SNX29: variants seen among roughly 807,000 people sequenced by gnomAD.
SNX29 encodes sorting nexin-29.
SNX29 carries 78 observed loss-of-function variants against 102.1 expected under a neutral mutation model. The ratio of observed to expected loss-of-function variants is 0.76; its 90% CI spans 0.64 to 0.92. The LOEUF is 0.92. Among genes scored for constraint, SNX29 ranks in the 40% least tolerant of loss-of-function variants. The probability of loss-of-function intolerance (pLI) is 0.00; values close to 1 mark genes in which losing one functional copy is unlikely to be tolerated. For missense variants in SNX29, 1,280 were observed against 1,061.7 expected, an observed-to-expected ratio of 1.21 and a Z score of -2.86; for synonymous variants, 580 against 414.5, an observed-to-expected ratio of 1.40 and a Z score of -4.85.
intron 20 of SNX29, among the ~76,000 whole-genome samples, chr16:12,564,525 CTGAATA>C (rs1406826702): frequency 6.6e-6 from 1 of 152,180 alleles, no homozygotes; most frequent in Non-Finnish European, 1.5e-5. Flanking sequence ...TTTTCTGACT[CTGAATA>C]TGGAGTTAAG....
rs1253126187 is a variant in SNX29 at position 12,572,496 on chromosome 16, C to T, written c.*3867C>T. The stretch of plus-strand genomic sequence containing the variant: ...AGGACCAGTTCTTGGGGTTCCAGGC[C>T]TCGGCCTTCCTGCTCCACGTGCTCA... On this transcript the variant is annotated 3_prime_UTR_variant, in exon 21 of 21. Transcript: ENST00000566228. 1 of 1,063,950 alleles carries T rather than the reference C, an allele frequency of 9.4e-7. No individual in the cohort carries two copies. The highest frequency in any genetic ancestry group is 5.3e-5 in the Admixed American group (1 of 18,702). 65.9% of individuals were successfully genotyped at this position (1,063,950 alleles called of 1,614,324 possible).
intron 18 of SNX29, among the ~76,000 whole-genome samples, chr16:12,463,195 C>T (rs1025149293): frequency 3.3e-5 from 5 of 152,244 alleles, no homozygotes; most frequent in Non-Finnish European, 4.4e-5. Flanking sequence ...ACTTTCTCTG[C>T]ATTGCTACTC....
At chr16:12,249,837 A>C (rs973321997) in intron 14 of SNX29, among the ~76,000 whole-genome samples, 1 of 152,236 alleles carries the variant, frequency 6.6e-6, no homozygotes, top group African/African-American at 2.4e-5. Flanking sequence ...TCCCGGCCCC[A>C]TTAACTCATG....
chr16:12,142,813 G>A (rs566176302), intron 13 of SNX29, among the ~76,000 whole-genome samples: 2 of 151,596 alleles, frequency 1.3e-5, no homozygotes, highest in South Asian at 2.1e-4. Flanking sequence ...CCACTGCCTC[G>A]GCCTCCCAAA....
rs532396755 is a variant in SNX29 at position 12,275,750 on chromosome 16, T to C, written c.1679-2183T>C. ...AAACCTTTTTTTGCTTTTATTGTTATTTTTGACACATAATAAATTGTGCAT... is the reference window on the plus strand; with the variant it reads ...AAACCTTTTTTTGCTTTTATTGTTACTTTTGACACATAATAAATTGTGCAT... On this transcript the variant is annotated intron_variant, in intron 14 of 20. Transcript: ENST00000566228. Among the ~76,000 whole-genome samples the C allele has an allele frequency of 8.5e-5, 13 of 152,178 alleles. No homozygotes were observed. In the South Asian group the frequency reaches 2.7e-3, roughly 32 times the overall value.
chr16:12,349,743 CTT>C (rs562794193), intron 15 of SNX29, among the ~76,000 whole-genome samples: 2 of 152,132 alleles, frequency 1.3e-5, no homozygotes, highest in Non-Finnish European at 1.5e-5. Flanking sequence ...TTTCAACTCT[CTT>C]GAATTTTATC....
chr16:12,248,657 C>G (rs2078332953), intron 14 of SNX29, among the ~76,000 whole-genome samples: 2 of 152,016 alleles, frequency 1.3e-5, no homozygotes, highest in Non-Finnish European at 2.9e-5. Context: ...CTCAAGTGAT[C>G]CGCCTCCCTC....
chr16:12,089,124 GAAAAGAGAGAGAGAGAGA>G (rs2052370114), intron 11 of SNX29, among the ~76,000 whole-genome samples: 1 of 89,144 alleles, frequency 1.1e-5, no homozygotes, highest in Non-Finnish European at 2.4e-5. Context: ...GAGAGAGAGA[GAAAAGAGAGAGAGAGAGA>G]GAAAAGAGAA....
chr16:11,995,149 T>G (rs1449341920), intron 1 of SNX29, among the ~76,000 whole-genome samples: 2 of 152,206 alleles, frequency 1.3e-5, no homozygotes, highest in African/African-American at 4.8e-5. Context: ...CACTGTAACC[T>G]CCGTCTCCCA....
chr16:12,255,906 G>T (rs1333382841), intron 14 of SNX29, among the ~76,000 whole-genome samples: 1 of 152,198 alleles, frequency 6.6e-6, no homozygotes, highest in Non-Finnish European at 1.5e-5. Context: ...TAGTGGGATT[G>T]CTGGATCATA....
At position 12,080,260 on chromosome 16, in the gene SNX29, G is replaced by A. The variant is rs952340612; in HGVS notation, c.1402+1345G>A. On this transcript the variant is annotated intron_variant, in intron 11 of 20. Coordinates refer to ENST00000566228, the MANE Select transcript of SNX29 (RefSeq NM_032167.5). ...TTTGTTGCTAAGGAAGGAAGAAAGA[G>A]TTTGGGAGGCACCCAGCATTCTTTG... Among the ~76,000 whole-genome samples, 5 of 152,314 alleles carry A rather than the reference G, an allele frequency of 3.3e-5. No homozygotes were observed. In the South Asian group the frequency reaches 6.2e-4, roughly 19 times the overall value.
chr16:12,088,318 G>A (rs2151387032), intron 11 of SNX29: 1 of 358,660 alleles, frequency 2.8e-6, no homozygotes. Flanking sequence ...GTTGCTAGGG[G>A]GAGGTGCCAC....
intron 14 of SNX29, among the ~76,000 whole-genome samples, chr16:12,247,779 C>A (rs567337004): frequency 6.6e-6 from 1 of 152,200 alleles, no homozygotes; most frequent in East Asian, 1.9e-4. Flanking sequence ...ACATGGCATT[C>A]TCAGGAAGTA....
chr16:12,386,497 G>A (rs1296980810), intron 16 of SNX29, among the ~76,000 whole-genome samples: 3 of 152,130 alleles, frequency 2.0e-5, no homozygotes, highest in Non-Finnish European at 2.9e-5. Flanking sequence ...CTCCCTCCAC[G>A]CTCTTCACTG....
Position 12,122,256 on chromosome 16 carries a change from G to A in SNX29, c.1403-4377G>A, listed in dbSNP as rs117451130. ...GATGCCTCTGTCGCCACCTTCCTTC[G>A]CGTCTCTTGTCAGCCTGTGGCACAT... On this transcript the variant is annotated intron_variant, in intron 11 of 20. Transcript: ENST00000566228. Among the ~76,000 whole-genome samples, 492 of 152,174 alleles carry A rather than the reference G, an allele frequency of 3.2e-3. 4 individuals carry two copies. The highest frequency in any genetic ancestry group is 5.2e-3 in the Non-Finnish European group (351 of 68,016).
chr16:12,175,408 C>T (rs1010197113), intron 13 of SNX29, among the ~76,000 whole-genome samples: 5 of 152,040 alleles, frequency 3.3e-5, no homozygotes, highest in Admixed American at 1.3e-4. Context: ...GCAGGTGGAT[C>T]ACTTGAGGTC....
At chr16:12,276,180 C>T (rs796285722) in intron 14 of SNX29, among the ~76,000 whole-genome samples, 5 of 152,258 alleles carry the variant, frequency 3.3e-5, no homozygotes, top group African/African-American at 9.6e-5. Flanking sequence ...AGGTGTGAGC[C>T]ACCGCACCTG....
At chr16:12,312,617 C>T (rs969667167) in intron 15 of SNX29, among the ~76,000 whole-genome samples, 7 of 151,912 alleles carry the variant, frequency 4.6e-5, no homozygotes, top group African/African-American at 7.3e-5. Context: ...CTTAAGATCT[C>T]GTACTTCATC....
intron 6 of SNX29, 142 bp from the exon 7 acceptor site, chr16:12,048,230 G>A (rs1224924225): frequency 7.4e-6 from 9 of 1,222,034 alleles, no homozygotes; most frequent in East Asian, 4.8e-5. Context: ...TCCCTGCAAC[G>A]TCCGCATGGG....
Sources: gnomAD v4.1 joint callset for allele counts (sites outside exome capture counted in the v4.1 genomes callset) on GRCh38, gnomAD v4.1.1 for gene constraint, MANE v1.5 for transcripts, NCBI Gene and HGNC (gene_info 2026-07-23, HGNC 2026-07-21) for gene names.